BRIP1: variants seen among roughly 807,000 people sequenced by gnomAD.
BRIP1 encodes BRCA1 interacting DNA helicase 1, also known as Fanconi anemia group J protein.
Under a neutral mutation model 119.7 loss-of-function variants are expected in BRIP1, and 88 were observed. The observed-to-expected ratio is 0.74, with a 90% CI of 0.62 to 0.88. BRIP1 has a LOEUF of 0.88. Ranked by LOEUF, BRIP1 falls within the 40% of genes least tolerant of loss-of-function variation. The pLI is 0.00. For synonymous variants in BRIP1, 443 were observed against 496.5 expected (o/e 0.89, Z 1.43); for missense variants, 1,259 against 1,455.4 (o/e 0.87, Z 2.20).
rs771122056 is a variant in BRIP1, at chr17:61,744,534, A to G, written c.2155T>C (p.Leu719=). 1 of 1,613,694 alleles carries G rather than the reference A, an allele frequency of 6.2e-7. No individual in the cohort carries two copies. The highest frequency in any genetic ancestry group is 1.3e-5 in the African/African-American group (1 of 74,878). Residue 719 remains leucine (L), a synonymous_variant, in exon 15 of 20, where the codon TTG becomes CTG. Transcript: ENST00000259008. This position sits in a 1 kb window ranked among gnomAD's most constrained non-coding sequence, Gnocchi z 5.0. ...LSTGLWHNLE[L]VKTVIVEPQG... is the part of the protein sequence containing the mutation. Reference sequence around the variant, plus strand: ...GGTTCTACAATGACTGTCTTCACCAACTCCAGATTATGCCATAAACCAGTA... The same window carrying G: ...GGTTCTACAATGACTGTCTTCACCAGCTCCAGATTATGCCATAAACCAGTA...
chr17:61,690,351 AG>A lies in BRIP1; in HGVS notation c.2575+3078del, dbSNP rs2061430042. Among the ~76,000 whole-genome samples, 7 of 152,376 alleles carry A rather than the reference AG, an allele frequency of 4.6e-5. No homozygotes were observed. In the South Asian group the frequency reaches 1.4e-3, roughly 32 times the overall value. ...ATTCTATACAGAAGTTAAAAGACAA[AG>A]TATGAAAATAACTATAATAGTATGT... On this transcript the variant is annotated intron_variant, in intron 18 of 19. Transcript: ENST00000259008. This position sits in a 1 kb window ranked among gnomAD's most constrained non-coding sequence, Gnocchi z 5.6.
chr17:61,818,216 G>A (rs1200439169), intron 6 of BRIP1, among the ~76,000 whole-genome samples: 6 of 151,576 alleles, frequency 4.0e-5, no homozygotes, highest in Admixed American at 3.9e-4. Flanking sequence ...GGAAAGATGG[G>A]CAAGTAGGGT....
At position 61,843,373 on chromosome 17, in the gene BRIP1, AACAC is replaced by A. The variant is rs758273323; in HGVS notation, c.627+3724_627+3727del. On this transcript the variant is annotated intron_variant, in intron 6 of 19. Transcript: ENST00000259008. The surrounding 1 kb of genome is among the most constrained non-coding windows in gnomAD (Gnocchi z 5.7). ...GGCTTTAAAATTTTCAGGTGTTCTCAACACACACACACACACAAAAGGTAACTAT... is the reference window on the plus strand; with the variant it reads ...GGCTTTAAAATTTTCAGGTGTTCTCAACACACACACACAAAAGGTAACTAT... Among the ~76,000 whole-genome samples, 3 of 151,388 alleles carry A rather than the reference AACAC, an allele frequency of 2.0e-5. No homozygotes were observed. Among genetic ancestry groups the A allele is most frequent in the South Asian group, 2.1e-4 (1 of 4,788 alleles).
Position 61,757,396 on chromosome 17 carries a change from A to C in BRIP1, c.2098-12805T>G, listed in dbSNP as rs1227834652. Among the ~76,000 whole-genome samples the C allele has an allele frequency of 6.6e-6, 1 of 152,184 alleles. No individual in the cohort carries two copies. Among genetic ancestry groups the C allele is most frequent in the African/African-American group, 2.4e-5 (1 of 41,448 alleles). On this transcript the variant is annotated intron_variant, in intron 14 of 19. Transcript: ENST00000259008. The surrounding 1 kb of genome is among the most constrained non-coding windows in gnomAD (Gnocchi z 4.3). ...GTGCACTTGGAGGAATAATATAGAC[A>C]AATACTGCCCTAAAGTGAAAGTAAG...
chr17:61,861,655 C>T lies in BRIP1; in HGVS notation c.-30-86G>A. 1 of 743,958 alleles carries T rather than the reference C, an allele frequency of 1.3e-6. No homozygotes were observed. The highest frequency in any genetic ancestry group is 2.4e-6 in the Non-Finnish European group (1 of 420,016). The allele number at this position is 743,958 out of a possible 1,614,324, so 46.1% of individuals were successfully genotyped here. On this transcript the variant is annotated intron_variant, in intron 1 of 19. Transcript: ENST00000259008. The surrounding 1 kb of genome is among the most constrained non-coding windows in gnomAD (Gnocchi z 4.5). ...CAAAACTAAGGGAGAAATCTGGAAA[C>T]AGAAACTGGAATTAATAAAAGTATA... is the stretch of plus-strand genomic sequence containing the variant.
In BRIP1 at chr17:61,751,231, A is replaced by G. The variant is rs2077127460; in HGVS notation, c.2098-6640T>C. Among the ~76,000 whole-genome samples, 1 of 152,228 alleles carries G rather than the reference A, an allele frequency of 6.6e-6. No homozygotes were observed. Among genetic ancestry groups the G allele is most frequent in the Non-Finnish European group, 1.5e-5 (1 of 68,040 alleles). ...AAAAAGCCACTGTATTTTTGTACAC[A>G]AAGTACAAATATTATATGATTTCAC... On this transcript the variant is annotated intron_variant, in intron 14 of 19. Coordinates refer to ENST00000259008, the MANE Select transcript of BRIP1 (RefSeq NM_032043.3). This position sits in a 1 kb window ranked among gnomAD's most constrained non-coding sequence, Gnocchi z 6.7.
Position 61,775,804 on chromosome 17 carries a change from A to C in BRIP1, c.2097+597T>G, listed in dbSNP as rs2077523534. 6.6e-6 allele frequency: 1 copy of C among 152,218 alleles called. No individual in the cohort carries two copies. Among genetic ancestry groups the C allele is most frequent in the African/African-American group, 2.4e-5 (1 of 41,458 alleles). 9.4% of individuals were successfully genotyped at this position (152,218 alleles called of 1,614,324 possible). On this transcript the variant is annotated intron_variant, in intron 14 of 19. Transcript: ENST00000259008. This position sits in a 1 kb window ranked among gnomAD's most constrained non-coding sequence, Gnocchi z 4.4. The stretch of plus-strand genomic sequence containing the variant: ...GTTTCTTTCTACTCTGAAAATATCG[A>C]CTTGTCCCTAAGAATAAAAATGTAC...
rs1481551404 is a variant in BRIP1, at chr17:61,831,798, G to A, written c.627+15303C>T. On this transcript the variant is annotated intron_variant, in intron 6 of 19. Transcript: ENST00000259008. This position sits in a 1 kb window ranked among gnomAD's most constrained non-coding sequence, Gnocchi z 4.1. ...GGTAATTCTGTTTTTAACTTTCAGA[G>A]GAATCAGGAACAAGGTTTTTCAGTT... Among the ~76,000 whole-genome samples the A allele has an allele frequency of 1.3e-5, 2 of 152,044 alleles. No individual in the cohort carries two copies. Among genetic ancestry groups the A allele is most frequent in the African/African-American group, 2.4e-5 (1 of 41,404 alleles).
In BRIP1 at chr17:61,816,973, G is replaced by A. The variant is rs372611884; in HGVS notation, c.628-8216C>T. On this transcript the variant is annotated intron_variant, in intron 6 of 19. Transcript: ENST00000259008. The surrounding 1 kb of genome is among the most constrained non-coding windows in gnomAD (Gnocchi z 5.0). The stretch of plus-strand genomic sequence containing the variant: ...AAAAGTTATTAGGGAACAGAATATT[G>A]ACAAAGTCTCAAAATATCACCCCAC... Among the ~76,000 whole-genome samples the A allele has an allele frequency of 6.6e-6, 1 of 152,094 alleles. No homozygotes were observed.
intron 17 of BRIP1, among the ~76,000 whole-genome samples, chr17:61,694,656 C>CA (rs1567738770): frequency 1.3e-5 from 2 of 151,934 alleles, no homozygotes; most frequent in African/African-American, 4.8e-5. Flanking sequence ...ACAAGGGTTC[C>CA]AAAATCTCCA....
Position 61,848,759 on chromosome 17 carries a change from C to T in BRIP1, c.507+370G>A, listed in dbSNP as rs969717231. 9.2e-5 allele frequency among the ~76,000 whole-genome samples: 14 copies of T among 152,068 alleles called. No individual in the cohort carries two copies. Among genetic ancestry groups the T allele is most frequent in the African/African-American group, 2.7e-4 (11 of 41,420 alleles). ...ACTATCAATTCCAAAATATCCATAA[C>T]ATGAATAATCATATCAAAGGTATTT... On this transcript the variant is annotated intron_variant, in intron 5 of 19. Transcript: ENST00000259008. The surrounding 1 kb of genome is among the most constrained non-coding windows in gnomAD (Gnocchi z 4.3).
rs919186486 is a variant in BRIP1, at chr17:61,758,966, C to G, written c.2098-14375G>C. On this transcript the variant is annotated intron_variant, in intron 14 of 19. Coordinates refer to ENST00000259008, the MANE Select transcript of BRIP1 (RefSeq NM_032043.3). This position sits in a 1 kb window ranked among gnomAD's most constrained non-coding sequence, Gnocchi z 5.3. The stretch of plus-strand genomic sequence containing the variant: ...AAGGTTATAGTGACCTATGATCACA[C>G]CCCTGCACTCTGACCTGGGTGACAG... Among the ~76,000 whole-genome samples, 1 of 151,592 alleles carries G rather than the reference C, an allele frequency of 6.6e-6. No homozygotes were observed. The highest frequency in any genetic ancestry group is 1.5e-5 in the Non-Finnish European group (1 of 67,928).
At chr17:61,785,545 A>G (rs935785594) in intron 10 of BRIP1, among the ~76,000 whole-genome samples, 2 of 152,192 alleles carry the variant, frequency 1.3e-5, no homozygotes, top group African/African-American at 4.8e-5. Context: ...CAAATCTATA[A>G]GAGTAAAAAT....
At position 61,830,526 on chromosome 17, in the gene BRIP1, G is replaced by A. The variant is rs2078478494; in HGVS notation, c.627+16575C>T. On this transcript the variant is annotated intron_variant, in intron 6 of 19. Coordinates refer to ENST00000259008, the MANE Select transcript of BRIP1 (RefSeq NM_032043.3). ...ACTACAAATCCTACAGACACTTAAA[G>A]AAATAAGAGAATATTTTGAACATTA... is the stretch of plus-strand genomic sequence containing the variant. Among the ~76,000 whole-genome samples the A allele has an allele frequency of 2.6e-5, 4 of 152,008 alleles. No homozygotes were observed. In the South Asian group the frequency reaches 8.3e-4, roughly 32 times the overall value.
rs577787089 is a variant in BRIP1 at position 61,792,551 on chromosome 17, C to T, written c.1473+1046G>A. Among the ~76,000 whole-genome samples, 15 of 152,190 alleles carry T rather than the reference C, an allele frequency of 9.9e-5. No homozygotes were observed. In the South Asian group the frequency reaches 2.9e-3, roughly 29 times the overall value. ...GAATCTTATATGCATATTGCTAAGA[C>T]AGAAGCCAGTCTGAAAAGACTACAT... On this transcript the variant is annotated intron_variant, in intron 10 of 19. Coordinates refer to ENST00000259008, the MANE Select transcript of BRIP1 (RefSeq NM_032043.3).
At position 61,849,250 on chromosome 17, in the gene BRIP1, G is replaced by A. The variant is rs587780831; in HGVS notation, c.386C>T (p.Pro129Leu). 20 of 1,611,994 alleles carry A rather than the reference G, an allele frequency of 1.2e-5. No homozygotes were observed. Among genetic ancestry groups the A allele is most frequent in the Admixed American group, 1.7e-5 (1 of 59,918 alleles). The change falls in exon 5 of 20, where the codon CCT becomes CTT. Residue 129 changes from proline to leucine, a missense_variant. By Grantham distance (98) the Pro-to-Leu change is moderately conservative. Around this residue, in one of 3 missense-constraint regions of BRIP1, gnomAD observed 501 missense variants for 544.0 expected, o/e 0.92. Coordinates refer to ENST00000259008, the MANE Select transcript of BRIP1 (RefSeq NM_032043.3). ...NGTSSTCQDS[P>L]EKTTLAAKLS... is the part of the protein sequence containing the mutation. ...CTTTGCAGCCAGAGTGGTTTTTTCA[G>A]GGGAGTCTTATATAAGTAATTTAAA...
Position 61,726,946 on chromosome 17 carries a change from C to T in BRIP1, c.2380-10883G>A, listed in dbSNP as rs572655190. On this transcript the variant is annotated intron_variant, in intron 16 of 19. Transcript: ENST00000259008. This position sits in a 1 kb window ranked among gnomAD's most constrained non-coding sequence, Gnocchi z 6.2. ...TTCTTGTTAAAGTCACATATGAGAG[C>T]CCGATAACTGTGAATAAACTTTTGC... is the stretch of plus-strand genomic sequence containing the variant. Among the ~76,000 whole-genome samples the T allele has an allele frequency of 6.6e-6, 1 of 152,110 alleles. No homozygotes were observed. Among genetic ancestry groups the T allele is most frequent in the African/African-American group, 2.4e-5 (1 of 41,470 alleles).
In BRIP1 at chr17:61,858,377, T is replaced by TC. The variant is rs201656227; in HGVS notation, c.206-1147_206-1146insG. On this transcript the variant is annotated intron_variant, in intron 3 of 19. Coordinates refer to ENST00000259008, the MANE Select transcript of BRIP1 (RefSeq NM_032043.3). The stretch of plus-strand genomic sequence containing the variant: ...CAAAAGCTTATGAAGTATTTACTGT[T>TC]TTTTTTTTTTTTTGAGACAGAGTTT... Among the ~76,000 whole-genome samples, 72 of 148,906 alleles carry TC rather than the reference T, an allele frequency of 4.8e-4. No homozygotes were observed. The East Asian group carries it at 0.01, about 21-fold the overall frequency.
chr17:61,763,202 T>G (rs572358366), intron 14 of BRIP1, among the ~76,000 whole-genome samples: 2 of 152,266 alleles, frequency 1.3e-5, no homozygotes, highest in Admixed American at 1.3e-4. Context: ...TAGTCTAATG[T>G]CCTCCAGATT....
Sources: allele counts gnomAD v4.1 joint callset (sites outside exome capture counted in the v4.1 genomes callset), GRCh38; gene constraint gnomAD v4.1.1; regional missense constraint gnomAD v4.1.1; non-coding constraint Gnocchi (gnomAD v3.1); transcripts MANE v1.5; gene names NCBI Gene and HGNC (gene_info 2026-07-23, HGNC 2026-07-21).